The following NKAIN3 variants were observed in gnomAD, a reference collection of about 807,000 sequenced individuals.
The protein encoded by NKAIN3 is sodium/potassium-transporting ATPase subunit beta-1-interacting protein 3.
NKAIN3 carries 25 observed loss-of-function variants against 30.2 expected under a neutral mutation model. The ratio of observed to expected loss-of-function variants is 0.83; its 90% CI spans 0.60 to 1.16. The LOEUF (loss-of-function observed/expected upper bound fraction) is 1.16, where lower values mean the gene tolerates loss of function less well. Ranked by LOEUF, NKAIN3 falls within the 50% of genes most tolerant of loss-of-function variation. The pLI, the probability that NKAIN3 is intolerant of heterozygous loss-of-function variation, is 0.00. For synonymous variants in NKAIN3, 91 were observed against 89.6 expected (o/e 1.02, Z -0.09); for missense variants, 225 against 254.1 (o/e 0.89, Z 0.78).
At chr8:62,768,371 T>C (rs564012341) in intron 4 of NKAIN3, among the ~76,000 whole-genome samples, 194 of 152,320 alleles carry the variant, frequency 1.3e-3, no homozygotes, top group African/African-American at 4.5e-3. Context: ...GCTATTTGCA[T>C]TGACAACAGT....
intron 4 of NKAIN3, among the ~76,000 whole-genome samples, chr8:62,754,940 G>T (rs1307011189): frequency 2.0e-5 from 3 of 152,158 alleles, no homozygotes; most frequent in African/African-American, 7.2e-5. Context: ...CTGAACTTTT[G>T]AAATATATCC....
intron 1 of NKAIN3, among the ~76,000 whole-genome samples, chr8:62,326,080 A>AT (rs1225245506): frequency 2.1e-4 from 32 of 151,992 alleles, no homozygotes; most frequent in Admixed American, 2.6e-4. Context: ...TGCTATATTT[A>AT]TTTTTGTTAC....
At chr8:62,401,666 C>G (rs961442144) in intron 1 of NKAIN3, among the ~76,000 whole-genome samples, 3 of 152,138 alleles carry the variant, frequency 2.0e-5, no homozygotes, top group Non-Finnish European at 4.4e-5. Flanking sequence ...CCCAGTAACT[C>G]GAAGGATCTT....
chr8:62,817,677 T>G (rs544817138), intron 4 of NKAIN3, among the ~76,000 whole-genome samples: 2 of 152,204 alleles, frequency 1.3e-5, no homozygotes, highest in East Asian at 3.9e-4. Flanking sequence ...AAGTCACAAT[T>G]TCAGGAAGCA....
intron 1 of NKAIN3, among the ~76,000 whole-genome samples, chr8:62,424,887 A>G (rs1413395168): frequency 1.3e-5 from 2 of 151,920 alleles, no homozygotes; most frequent in Non-Finnish European, 2.9e-5. Flanking sequence ...AAACAATCTA[A>G]ATGTCCACTG....
chr8:62,501,722 C>T (rs1373188985), intron 1 of NKAIN3, among the ~76,000 whole-genome samples: 4 of 152,154 alleles, frequency 2.6e-5, no homozygotes, highest in Non-Finnish European at 5.9e-5. Flanking sequence ...TTAGTGATTA[C>T]TCAACTTAAA....
At chr8:62,430,150 C>T (rs1428167118) in intron 1 of NKAIN3, among the ~76,000 whole-genome samples, 2 of 151,776 alleles carry the variant, frequency 1.3e-5, no homozygotes, top group Non-Finnish European at 2.9e-5. Flanking sequence ...GTTCTCAAAG[C>T]TCATCCATGC....
chr8:62,988,715 T>A (rs1421785804), downstream of NKAIN3, among the ~76,000 whole-genome samples: 1 of 152,250 alleles, frequency 6.6e-6, no homozygotes, highest in African/African-American at 2.4e-5. Context: ...GAGGGGCAGC[T>A]ATGAAGATCT....
intron 1 of NKAIN3, among the ~76,000 whole-genome samples, chr8:62,496,403 G>A (rs930977292): frequency 6.6e-6 from 1 of 152,102 alleles, no homozygotes; most frequent in Non-Finnish European, 1.5e-5. Context: ...TGTTAAAAGT[G>A]CTGGGTATCC....
intron 4 of NKAIN3, among the ~76,000 whole-genome samples, chr8:62,845,499 G>A (rs930595360): frequency 6.6e-6 from 1 of 151,620 alleles, no homozygotes; most frequent in Admixed American, 6.6e-5. Context: ...CTGGAACAGA[G>A]CAAATATAGT....
intron 1 of NKAIN3, among the ~76,000 whole-genome samples, chr8:62,416,355 C>A (rs1804444256): frequency 6.6e-6 from 1 of 152,112 alleles, no homozygotes; most frequent in Non-Finnish European, 1.5e-5. Context: ...CTTCCCTTGC[C>A]TTGGCTTTCC....
chr8:62,586,047 A>C (rs527802836), intron 2 of NKAIN3, among the ~76,000 whole-genome samples: 1 of 152,344 alleles, frequency 6.6e-6, no homozygotes, highest in South Asian at 2.1e-4. Flanking sequence ...TTAACCTTGA[A>C]ATTAAAATTA....
At chr8:62,628,190 G>C (rs1367177692) in intron 3 of NKAIN3, among the ~76,000 whole-genome samples, 1 of 152,132 alleles carries the variant, frequency 6.6e-6, no homozygotes, top group Non-Finnish European at 1.5e-5. Context: ...TTGCACATCA[G>C]CTTTGGGAAA....
intron 1 of NKAIN3, among the ~76,000 whole-genome samples, chr8:62,394,818 A>G (rs1486860564): frequency 6.8e-6 from 1 of 146,780 alleles, no homozygotes; most frequent in African/African-American, 2.5e-5. Context: ...CACTTCTCAG[A>G]TGGTGGGGCG....
chr8:62,306,746 A>G, intron 1 of NKAIN3, among the ~76,000 whole-genome samples: 1 of 150,110 alleles, frequency 6.7e-6, no homozygotes, highest in South Asian at 2.1e-4. Context: ...ATAGGATTCC[A>G]TGTTCAGGAT....
intron 1 of NKAIN3, among the ~76,000 whole-genome samples, chr8:62,517,130 A>G (rs746089916): frequency 5.9e-5 from 9 of 152,008 alleles, no homozygotes; most frequent in Non-Finnish European, 5.9e-5. Context: ...ATAAATTATA[A>G]TTTTTTTTCT....
intron 1 of NKAIN3, among the ~76,000 whole-genome samples, chr8:62,434,924 T>G (rs1283439272): frequency 6.6e-6 from 1 of 152,168 alleles, no homozygotes; most frequent in South Asian, 2.1e-4. Flanking sequence ...ACATCTATTA[T>G]GCTGAAAGAG....
At chr8:62,844,973 C>T (rs948387965) in intron 4 of NKAIN3, among the ~76,000 whole-genome samples, 22 of 151,982 alleles carry the variant, frequency 1.4e-4, no homozygotes, top group Admixed American at 2.6e-4. Context: ...CACTTACCTT[C>T]CTGCTTCACA....
intron 1 of NKAIN3, among the ~76,000 whole-genome samples, chr8:62,557,066 C>G (rs1240452433): frequency 6.6e-6 from 1 of 151,954 alleles, no homozygotes; most frequent in Non-Finnish European, 1.5e-5. Flanking sequence ...GTACCTCATT[C>G]CCTTCCCATC....
Sources: gnomAD v4.1 joint callset for allele counts (sites outside exome capture counted in the v4.1 genomes callset) on GRCh38, gnomAD v4.1.1 for gene constraint, MANE v1.5 for transcripts, NCBI Gene and HGNC (gene_info 2026-07-23, HGNC 2026-07-21) for gene names.